Variants in MAP3K5 observed in about 807,000 individuals in gnomAD.
MAP3K5 encodes mitogen-activated protein kinase kinase kinase 5.
Under a neutral mutation model 158.7 loss-of-function variants are expected in MAP3K5, and 56 were observed. The ratio of observed to expected loss-of-function variants is 0.35; its 90% CI spans 0.28 to 0.44. MAP3K5 has a LOEUF of 0.44. Ranked by LOEUF, MAP3K5 falls within the 20% of genes least tolerant of loss-of-function variation. MAP3K5 has a pLI of 1.00. For missense variants in MAP3K5, 1,294 were observed against 1,674.8 expected, an observed-to-expected ratio of 0.77 and a Z score of 3.97; for synonymous variants, 579 against 601.7, an observed-to-expected ratio of 0.96 and a Z score of 0.55.
intron 1 of MAP3K5, among the ~76,000 whole-genome samples, chr6:136,754,970 C>T (rs1266415215): frequency 2.0e-5 from 3 of 152,076 alleles, no homozygotes; most frequent in African/African-American, 7.2e-5. Context: ...CTCCTCAATC[C>T]ACTGAATCAT....
At chr6:136,695,878 C>CGT in intron 6 of MAP3K5, 73 bp downstream of exon 6, 1 of 843,568 alleles carries the variant, frequency 1.2e-6, no homozygotes, top group Admixed American at 2.2e-5. Flanking sequence ...GCAGTGAACA[C>CGT]ATTCTCTGTA....
intron 1 of MAP3K5, 100 bp downstream of exon 1, chr6:136,791,610 A>G: frequency 7.6e-7 from 1 of 1,311,310 alleles, no homozygotes; most frequent in African/African-American, 1.5e-5. Context: ...GTGGGGCAAG[A>G]AGTAAATGCT....
chr6:136,712,162 G>T (rs1215502821), intron 2 of MAP3K5, among the ~76,000 whole-genome samples: 1 of 148,156 alleles, frequency 6.7e-6, no homozygotes, highest in Non-Finnish European at 1.5e-5. Context: ...TATACATAAA[G>T]CATTTAATAG....
chr6:136,607,438 G>C (rs1273811744), intron 18 of MAP3K5, among the ~76,000 whole-genome samples: 1 of 152,200 alleles, frequency 6.6e-6, no homozygotes, highest in Non-Finnish European at 1.5e-5. Flanking sequence ...GTTGAGTCAT[G>C]TGTTCTTATC....
At chr6:136,655,667 G>A (rs923597280) in intron 10 of MAP3K5, among the ~76,000 whole-genome samples, 11 of 151,956 alleles carry the variant, frequency 7.2e-5, no homozygotes, top group Non-Finnish European at 1.6e-4. Flanking sequence ...CCATCCAGAG[G>A]GGCATGGCAC....
At chr6:136,617,642 A>T (rs994005275) in intron 15 of MAP3K5, among the ~76,000 whole-genome samples, 1 of 152,140 alleles carries the variant, frequency 6.6e-6, no homozygotes, top group Admixed American at 6.5e-5. Context: ...ACATAGAAAT[A>T]ACCAGTCCAC....
intron 15 of MAP3K5, among the ~76,000 whole-genome samples, chr6:136,618,127 A>T (rs1309972310): frequency 6.6e-6 from 1 of 152,158 alleles, no homozygotes; most frequent in Non-Finnish European, 1.5e-5. Flanking sequence ...AATTGTTTCC[A>T]TTGCTCTGAT....
At chr6:136,772,787 G>A (rs577438321) in intron 1 of MAP3K5, among the ~76,000 whole-genome samples, 167 of 152,294 alleles carry the variant, frequency 1.1e-3, no homozygotes, top group Non-Finnish European at 1.8e-3. Flanking sequence ...GCAATTAAGT[G>A]TTTCAAGTGG....
chr6:136,597,492 C>T (rs1020621960), intron 21 of MAP3K5, among the ~76,000 whole-genome samples: 1 of 152,202 alleles, frequency 6.6e-6, no homozygotes, highest in Non-Finnish European at 1.5e-5. Context: ...AGTCTCCTAA[C>T]TGGCCATCCT....
chr6:136,621,914 G>A (rs892575392), intron 15 of MAP3K5, among the ~76,000 whole-genome samples: 4 of 151,834 alleles, frequency 2.6e-5, no homozygotes, highest in Admixed American at 6.6e-5. Context: ...GTGAAACCGC[G>A]TCTCTATTAA....
intron 2 of MAP3K5, among the ~76,000 whole-genome samples, chr6:136,710,807 AC>A (rs1278009718): frequency 6.6e-6 from 1 of 152,042 alleles, no homozygotes; most frequent in Non-Finnish European, 1.5e-5. Context: ...CTGGCTGGTG[AC>A]TTTCTGGGTC....
At chr6:136,685,766 G>A (rs1487356998) in intron 7 of MAP3K5, among the ~76,000 whole-genome samples, 1 of 151,946 alleles carries the variant, frequency 6.6e-6, no homozygotes, top group Non-Finnish European at 1.5e-5. Context: ...AAAACCCAGA[G>A]GATTATGACT....
intron 1 of MAP3K5, among the ~76,000 whole-genome samples, chr6:136,762,047 GAAATGAACTCTGCAGCCTTTTA>G (rs1783783018): frequency 6.6e-6 from 1 of 152,174 alleles, no homozygotes. Context: ...ACATAATCTT[GAAATGAACTCTGCAGCCTTTTA>G]AAATTTAAAA....
chr6:136,565,642 T>C (rs1203938969), intron 26 of MAP3K5, among the ~76,000 whole-genome samples: 1 of 152,226 alleles, frequency 6.6e-6, no homozygotes, highest in Non-Finnish European at 1.5e-5. Flanking sequence ...GAAAACACAC[T>C]AACATTTCCT....
chr6:136,581,989 A>G (rs1302676649), intron 24 of MAP3K5, among the ~76,000 whole-genome samples: 1 of 152,128 alleles, frequency 6.6e-6, no homozygotes, highest in Non-Finnish European at 1.5e-5. Flanking sequence ...AGGCTGAGGC[A>G]CAAGAATTGC....
intron 7 of MAP3K5, among the ~76,000 whole-genome samples, chr6:136,676,235 T>C (rs1332808463): frequency 6.6e-6 from 1 of 152,226 alleles, no homozygotes; most frequent in African/African-American, 2.4e-5. Flanking sequence ...CTGCAGGTGA[T>C]TATGAAATAC....
chr6:136,770,744 AAGACTTTGTCT>A (rs1478028569), intron 1 of MAP3K5, among the ~76,000 whole-genome samples: 5 of 152,140 alleles, frequency 3.3e-5, no homozygotes, highest in African/African-American at 7.2e-5. Flanking sequence ...GCAACACAGC[AAGACTTTGTCT>A]CTCAAAATAA....
chr6:136,697,488 T>G (rs916984871), intron 4 of MAP3K5, 101 bp from the exon 5 acceptor site: 2 of 946,046 alleles, frequency 2.1e-6, no homozygotes, highest in Non-Finnish European at 3.1e-6. Context: ...CAGCATTAGC[T>G]ATAAAGCATT....
chr6:136,696,291 A>T (rs1041719380), intron 5 of MAP3K5, among the ~76,000 whole-genome samples: 2 of 152,234 alleles, frequency 1.3e-5, no homozygotes, highest in Non-Finnish European at 2.9e-5. Context: ...TTGAACAAAA[A>T]CTAAAAAAGC....
Sources: gnomAD v4.1 joint callset for allele counts (sites outside exome capture counted in the v4.1 genomes callset) on GRCh38, gnomAD v4.1.1 for gene constraint, MANE v1.5 for transcripts, NCBI Gene and HGNC (gene_info 2026-07-23, HGNC 2026-07-21) for gene names.